The following MYT1 variants were observed in gnomAD, a reference collection of about 807,000 sequenced individuals.
MYT1 encodes the protein myelin transcription factor I.
A neutral mutation model predicts 123.0 loss-of-function variants in MYT1; 23 were observed. The ratio of observed to expected loss-of-function variants is 0.19; its 90% CI spans 0.13 to 0.26. The LOEUF is 0.26. Ranked by LOEUF, MYT1 falls within the 10% of genes least tolerant of loss-of-function variation. The pLI is 1.00. For missense variants in MYT1, 1,125 were observed against 1,472.5 expected (o/e 0.76, Z 3.86); for synonymous variants, 518 against 575.3 (o/e 0.90, Z 1.43).
Position 64,207,677 on chromosome 20 carries a change from C to G in MYT1, c.481C>G (p.Gln161Glu). 1.9e-6 allele frequency: 3 copies of G among 1,614,076 alleles called. No individual in the cohort carries two copies. The highest frequency in any genetic ancestry group is 1.7e-6 in the Non-Finnish European group (2 of 1,180,010). ...CTCCAAGGGCAGCTACAGCAGCTAC[C>G]AGGGAATCATCGCAACTTCTCTCCT... The part of the protein sequence containing the change: ...ASSKGSYSSY[Q>E]GIIATSLLNL... The change falls in exon 7 of 23, where the codon CAG becomes GAG. Residue 161 changes from glutamine (Q) to glutamate (E), a missense_variant. This residue lies in a region of MYT1 where 406 missense variants were observed against 432.2 expected (regional missense o/e 0.94). Transcript: ENST00000328439.
rs1180432324 is a variant in MYT1 at position 64,193,684 on chromosome 20, C to T, written c.-1+3524C>T. On this transcript the variant is annotated intron_variant, in intron 2 of 22. Transcript: ENST00000328439. The surrounding 1 kb of genome is among the most constrained non-coding windows in gnomAD (Gnocchi z 4.0). ...TCCTCACCCCCCACTCTTCACTGGC[C>T]CCTTCCTTCTGGGAAGTGGCTGCCT... 6.6e-6 allele frequency among the ~76,000 whole-genome samples: 1 copy of T among 151,970 alleles called. No individual in the cohort carries two copies. The highest frequency in any genetic ancestry group is 1.9e-4 in the East Asian group (1 of 5,174).
At chr20:64,235,797 CACTGG>C (rs1984511393) in intron 19 of MYT1, among the ~76,000 whole-genome samples, 1 of 70,610 alleles carries the variant, frequency 1.4e-5, no homozygotes, top group Non-Finnish European at 2.8e-5. Flanking sequence ...TGGTGGGTGA[CACTGG>C]GCTGGCTGTG....
At position 64,240,487 on chromosome 20, in the gene MYT1, G is replaced by T. The variant is rs74627944; in HGVS notation, c.*39G>T. ...CAGAAGTGTCCCAGCCCACCACACCGTTTACCTCCCTCGCCCTGCCCCGCA... is the reference window on the plus strand; with the variant it reads ...CAGAAGTGTCCCAGCCCACCACACCTTTTACCTCCCTCGCCCTGCCCCGCA... On this transcript the variant is annotated 3_prime_UTR_variant, in exon 23 of 23. Transcript: ENST00000328439. 6.3e-7 allele frequency: 1 copy of T among 1,598,128 alleles called. No individual in the cohort carries two copies. Among genetic ancestry groups the T allele is most frequent in the East Asian group, 2.2e-5 (1 of 44,710 alleles).
chr20:64,221,815 C>T lies in MYT1; in HGVS notation c.2242-78C>T, dbSNP rs1984012635. 5 of 1,491,056 alleles carry T rather than the reference C, an allele frequency of 3.4e-6. No individual in the cohort carries two copies. The South Asian group carries it at 6.1e-5, about 18-fold the overall frequency. The allele number at this position is 1,491,056 out of a possible 1,614,324, so 92.4% of individuals were successfully genotyped here. ...CTGTGGACACTGTCCTGAAGGGTCCCTCTCCCTCGCCCACTGGGTTGGGCG... is the reference window on the plus strand; with the variant it reads ...CTGTGGACACTGTCCTGAAGGGTCCTTCTCCCTCGCCCACTGGGTTGGGCG... On this transcript the variant is annotated intron_variant, in intron 13 of 22. Coordinates refer to ENST00000328439, the MANE Select transcript of MYT1 (RefSeq NM_004535.3).
At chr20:64,201,951 CGTGTCGGGAACCCCCGCGTGT>C (rs1983324624) in intron 4 of MYT1, among the ~76,000 whole-genome samples, 1 of 113,962 alleles carries the variant, frequency 8.8e-6, no homozygotes, top group African/African-American at 3.6e-5. Flanking sequence ...GGAACCTCTG[CGTGTCGGGAACCCCCGCGTGT>C]CGGGAACCCC....
chr20:64,180,382 C>G (rs1166253944), intron 1 of MYT1, among the ~76,000 whole-genome samples: 1 of 152,272 alleles, frequency 6.6e-6, no homozygotes, highest in African/African-American at 2.4e-5. Flanking sequence ...ATAACGTCCT[C>G]TTCCAACAGT....
intron 2 of MYT1, among the ~76,000 whole-genome samples, chr20:64,197,868 G>C (rs1983169458): frequency 6.6e-6 from 1 of 152,200 alleles, no homozygotes; most frequent in South Asian, 2.1e-4. Context: ...ATCACAGGTG[G>C]GGAGGGACAC....
chr20:64,190,074 C>T lies in MYT1; in HGVS notation c.-87C>T, dbSNP rs549848289. 6.6e-6 allele frequency: 1 copy of T among 152,662 alleles called. No homozygotes were observed. Among genetic ancestry groups the T allele is most frequent in the African/African-American group, 2.4e-5 (1 of 41,458 alleles). 9.5% of individuals were successfully genotyped at this position (152,662 alleles called of 1,614,324 possible). ...TTTTAAACCCTCAGAAAATGAGTTC[C>T]GAGGTGAGCTGTTAAATCAGAGGTG... On this transcript the variant is annotated 5_prime_UTR_variant, in exon 2 of 23. Coordinates refer to ENST00000328439, the MANE Select transcript of MYT1 (RefSeq NM_004535.3). This position sits in a 1 kb window ranked among gnomAD's most constrained non-coding sequence, Gnocchi z 4.1.
At chr20:64,205,281 G>C (rs1026074870) in intron 5 of MYT1, among the ~76,000 whole-genome samples, 184 bp downstream of exon 5, 3 of 140,512 alleles carry the variant, frequency 2.1e-5, no homozygotes, top group Admixed American at 7.0e-5. Context: ...CGTGCCATGT[G>C]GGGGAAGACA....
intron 1 of MYT1, among the ~76,000 whole-genome samples, chr20:64,183,153 T>A (rs1982700096): frequency 6.6e-6 from 1 of 152,248 alleles, no homozygotes; most frequent in Non-Finnish European, 1.5e-5. Context: ...TGGTCTTTTG[T>A]CCCTGGCCTC....
chr20:64,172,741 CTTTTTTTTTTT>C (rs33943131), intron 1 of MYT1, among the ~76,000 whole-genome samples: 20 of 95,548 alleles, frequency 2.1e-4, no homozygotes, highest in African/African-American at 7.6e-4. Context: ...GCCATACCCT[CTTTTTTTTTTT>C]TTTTTTTTTT....
chr20:64,223,255 T>A (rs756348714), intron 15 of MYT1, 36 bp from the exon 16 acceptor site: 2 of 1,614,008 alleles, frequency 1.2e-6, no homozygotes, highest in Non-Finnish European at 1.7e-6. Context: ...CTCTCCCTCT[T>A]TGGCTTACCC....
At chr20:64,170,440 G>A (rs1982216767) in intron 1 of MYT1, among the ~76,000 whole-genome samples, 1 of 152,126 alleles carries the variant, frequency 6.6e-6, no homozygotes, top group Admixed American at 6.6e-5. Flanking sequence ...CTGCAAGTCT[G>A]GACCAGGGAA....
chr20:64,199,122 C>A (rs1462349925), intron 3 of MYT1, among the ~76,000 whole-genome samples: 1 of 152,212 alleles, frequency 6.6e-6, no homozygotes, highest in Admixed American at 6.5e-5. Flanking sequence ...GATGAACCTG[C>A]CTTGAGGGCA....
Position 64,193,718 on chromosome 20 carries a change from C to A in MYT1, c.-1+3558C>A, listed in dbSNP as rs914466638. 2.0e-5 allele frequency among the ~76,000 whole-genome samples: 3 copies of A among 152,028 alleles called. No individual in the cohort carries two copies. The highest frequency in any genetic ancestry group is 7.2e-5 in the African/African-American group (3 of 41,404). On this transcript the variant is annotated intron_variant, in intron 2 of 22. Transcript: ENST00000328439. The surrounding 1 kb of genome is among the most constrained non-coding windows in gnomAD (Gnocchi z 4.0). ...CTGGGAAGTGGCTGCCTATGGTCCG[C>A]TGGGACTCAGCAGGTGCTCTTCCTC...
intron 1 of MYT1, among the ~76,000 whole-genome samples, chr20:64,165,051 C>G (rs1254291925): frequency 6.6e-6 from 1 of 152,042 alleles, no homozygotes; most frequent in Non-Finnish European, 1.5e-5. Context: ...ATATCAAAAC[C>G]AGAAACTTTA....
In MYT1 at chr20:64,196,343, G is replaced by A. The variant is rs572782121; in HGVS notation, c.1-2519G>A. The stretch of plus-strand genomic sequence containing the variant: ...GGGCACAGGGCCGCCCCCAGCACCC[G>A]CTCTCCATCTACCACATCGTGGTGC... On this transcript the variant is annotated intron_variant, in intron 2 of 22. Transcript: ENST00000328439. This position sits in a 1 kb window ranked among gnomAD's most constrained non-coding sequence, Gnocchi z 4.3. 5.1e-4 allele frequency among the ~76,000 whole-genome samples: 78 copies of A among 152,356 alleles called. No individual in the cohort carries two copies. The highest frequency in any genetic ancestry group is 1.6e-3 in the African/African-American group (65 of 41,586).
In MYT1 at chr20:64,227,475, G is replaced by T; in HGVS notation, c.2589G>T (p.Arg863=). Residue 863 remains arginine, a splice_region_variant and synonymous_variant, in exon 17 of 23, where the codon CGG becomes CGT. Coordinates refer to ENST00000328439, the MANE Select transcript of MYT1 (RefSeq NM_004535.3). Reference sequence around the variant, plus strand: ...TCACAGGGAACTACGCTTCACACCGGAGGTGAGCCTGCCACACCCTCAGGT... The same window carrying T: ...TCACAGGGAACTACGCTTCACACCGTAGGTGAGCCTGCCACACCCTCAGGT... The part of the protein sequence containing the change: ...GHITGNYASH[R]SLSGCPRAKK... 6.2e-7 allele frequency: 1 copy of T among 1,612,042 alleles called. No individual in the cohort carries two copies. Among genetic ancestry groups the T allele is most frequent in the Non-Finnish European group, 8.5e-7 (1 of 1,179,460 alleles).
At position 64,196,989 on chromosome 20, in the gene MYT1, C is replaced by A. The variant is rs1983143674; in HGVS notation, c.1-1873C>A. Among the ~76,000 whole-genome samples the A allele has an allele frequency of 6.6e-6, 1 of 152,230 alleles. No individual in the cohort carries two copies. The highest frequency in any genetic ancestry group is 2.4e-5 in the African/African-American group (1 of 41,446). ...CATCGGAAGGCATTGCACACGGGCTCAGAGCAGACGACATTTGAAGGCTCA... is the reference window on the plus strand; with the variant it reads ...CATCGGAAGGCATTGCACACGGGCTAAGAGCAGACGACATTTGAAGGCTCA... On this transcript the variant is annotated intron_variant, in intron 2 of 22. Coordinates refer to ENST00000328439, the MANE Select transcript of MYT1 (RefSeq NM_004535.3). The surrounding 1 kb of genome is among the most constrained non-coding windows in gnomAD (Gnocchi z 4.3).
Sources: allele counts gnomAD v4.1 joint callset (sites outside exome capture counted in the v4.1 genomes callset), GRCh38; gene constraint gnomAD v4.1.1; regional missense constraint gnomAD v4.1.1; non-coding constraint Gnocchi (gnomAD v3.1); transcripts MANE v1.5; gene names NCBI Gene and HGNC (gene_info 2026-07-23, HGNC 2026-07-21).